CCSER1: variants seen among roughly 807,000 people sequenced by gnomAD.
The protein encoded by CCSER1 is coiled-coil serine rich protein 1.
A neutral mutation model predicts 82.0 loss-of-function variants in CCSER1; 41 were observed. The observed-to-expected ratio is 0.50, with a 90% confidence interval of 0.39 to 0.65. CCSER1 has a LOEUF of 0.65. CCSER1 is among the 30% of genes least tolerant of loss of function. The pLI, the probability that CCSER1 is intolerant of heterozygous loss-of-function variation, is 0.00. For synonymous variants in CCSER1, 414 were observed against 383.9 expected, an observed-to-expected ratio of 1.08 and a Z score of -0.92; for missense variants, 1,119 against 1,064.2, an observed-to-expected ratio of 1.05 and a Z score of -0.72.
chr4:90,988,765 A>G (rs1331787562), intron 9 of CCSER1, among the ~76,000 whole-genome samples: 1 of 151,826 alleles, frequency 6.6e-6, no homozygotes, highest in Non-Finnish European at 1.5e-5. Flanking sequence ...TATTTTCACT[A>G]CTTATTTTAA....
intron 5 of CCSER1, among the ~76,000 whole-genome samples, chr4:90,498,586 AATT>A (rs1426203601): frequency 6.6e-6 from 1 of 152,172 alleles, no homozygotes; most frequent in Non-Finnish European, 1.5e-5. Context: ...CCTCATTGTA[AATT>A]ATAATGGCAT....
intron 10 of CCSER1, among the ~76,000 whole-genome samples, chr4:91,161,896 C>T (rs1001014679): frequency 6.6e-6 from 1 of 152,082 alleles, no homozygotes; most frequent in Non-Finnish European, 1.5e-5. Context: ...GACAATTTGA[C>T]TTCCTCTTTT....
intron 8 of CCSER1, among the ~76,000 whole-genome samples, chr4:90,899,937 C>T (rs771381009): frequency 6.6e-6 from 1 of 151,690 alleles, no homozygotes. Context: ...GCCAGGTTTT[C>T]GTATCAAGGT....
At chr4:91,083,575 A>T (rs1723040219) in intron 9 of CCSER1, among the ~76,000 whole-genome samples, 1 of 152,180 alleles carries the variant, frequency 6.6e-6, no homozygotes, top group Admixed American at 6.5e-5. Flanking sequence ...AATGAAATAA[A>T]ATAAAAACAA....
At chr4:91,058,003 A>C (rs1743603062) in intron 9 of CCSER1, among the ~76,000 whole-genome samples, 1 of 152,068 alleles carries the variant, frequency 6.6e-6, no homozygotes, top group Non-Finnish European at 1.5e-5. Context: ...TTTATGTCAA[A>C]ACCCAGATTC....
intron 3 of CCSER1, among the ~76,000 whole-genome samples, chr4:90,393,096 A>G (rs1242704389): frequency 1.3e-5 from 2 of 152,242 alleles, no homozygotes; most frequent in African/African-American, 2.4e-5. Flanking sequence ...GACTGTGTCA[A>G]TGATGAAATC....
intron 10 of CCSER1, among the ~76,000 whole-genome samples, chr4:91,458,913 T>A (rs1756347799): frequency 6.6e-6 from 1 of 152,152 alleles, no homozygotes; most frequent in Admixed American, 6.6e-5. Flanking sequence ...TTTAAAAATA[T>A]ATGACCTCCT....
chr4:90,950,992 A>G (rs1303851492), intron 9 of CCSER1: 1 of 152,130 alleles, frequency 6.6e-6, no homozygotes, highest in Non-Finnish European at 1.5e-5. Context: ...TGCCTGGTAT[A>G]TGCACTTTTA....
At chr4:90,321,980 A>C (rs1737221770) in intron 3 of CCSER1, among the ~76,000 whole-genome samples, 1 of 151,902 alleles carries the variant, frequency 6.6e-6, no homozygotes, top group African/African-American at 2.4e-5. Flanking sequence ...GAAGCTTTTT[A>C]GCTTGATGTG....
At chr4:90,228,550 A>G (rs922571654) in intron 1 of CCSER1, among the ~76,000 whole-genome samples, 1 of 152,196 alleles carries the variant, frequency 6.6e-6, no homozygotes, top group African/African-American at 2.4e-5. Context: ...TGGAAACTCT[A>G]AAACGCAGAG....
At chr4:90,242,367 G>A (rs561616184) in intron 1 of CCSER1, among the ~76,000 whole-genome samples, 1 of 152,202 alleles carries the variant, frequency 6.6e-6, no homozygotes, top group South Asian at 2.1e-4. Flanking sequence ...GTACTCTTAG[G>A]CACTATTCCC....
chr4:90,969,641 A>T (rs1734898946), intron 9 of CCSER1, among the ~76,000 whole-genome samples: 1 of 152,012 alleles, frequency 6.6e-6, no homozygotes, highest in Non-Finnish European at 1.5e-5. Flanking sequence ...TTTAGAGGGA[A>T]TTTATTAACA....
Position 91,012,285 on chromosome 4 carries a change from G to C in CCSER1, c.2173-73665G>C, listed in dbSNP as rs567835164. 3.0e-4 allele frequency among the ~76,000 whole-genome samples: 41 copies of C among 134,518 alleles called. 6 individuals are homozygous for C. The South Asian group carries it at 9.4e-3, about 31-fold the overall frequency. 88.2% of individuals were successfully genotyped at this position (134,518 alleles called of 152,430 possible). On this transcript the variant is annotated intron_variant, in intron 9 of 10. Transcript: ENST00000509176. ...GATTCAGGGTACCACTTCAGCTCTA[G>C]CAAAGGGGACAGGGCATAGCAGTGA...
chr4:90,939,139 C>A (rs1332030380), intron 9 of CCSER1, among the ~76,000 whole-genome samples: 4 of 152,062 alleles, frequency 2.6e-5, no homozygotes, highest in African/African-American at 9.7e-5. Flanking sequence ...GAAAACAATG[C>A]CTTTAGTGTC....
chr4:91,079,638 G>A (rs1003094106), intron 9 of CCSER1, among the ~76,000 whole-genome samples: 4 of 152,190 alleles, frequency 2.6e-5, no homozygotes, highest in African/African-American at 9.7e-5. Context: ...ATTGGATACA[G>A]TCAGGACCCA....
chr4:91,218,005 C>T (rs918418711), intron 10 of CCSER1, among the ~76,000 whole-genome samples: 7 of 152,336 alleles, frequency 4.6e-5, no homozygotes, highest in South Asian at 4.1e-4. Flanking sequence ...TGGGACTGGG[C>T]GCCGTGGAGC....
intron 4 of CCSER1, among the ~76,000 whole-genome samples, chr4:90,440,778 TA>T (rs1279003563): frequency 6.6e-6 from 1 of 152,198 alleles, no homozygotes; most frequent in Admixed American, 6.5e-5. Flanking sequence ...TTAAATATTT[TA>T]AATTTCTCTG....
chr4:91,198,538 G>C (rs1735638738), intron 10 of CCSER1, among the ~76,000 whole-genome samples: 1 of 152,114 alleles, frequency 6.6e-6, no homozygotes, highest in African/African-American at 2.4e-5. Context: ...TGAGGGAAGA[G>C]GCTATTTCTT....
intron 10 of CCSER1, among the ~76,000 whole-genome samples, chr4:91,463,188 T>C (rs894178444): frequency 2.6e-5 from 4 of 152,154 alleles, no homozygotes; most frequent in Non-Finnish European, 4.4e-5. Flanking sequence ...GGCAGCAACA[T>C]TTGCTGTTCA....
Sources: allele counts gnomAD v4.1 joint callset (sites outside exome capture counted in the v4.1 genomes callset), GRCh38; gene constraint gnomAD v4.1.1; transcripts MANE v1.5; gene names NCBI Gene and HGNC (gene_info 2026-07-23, HGNC 2026-07-21).